The following BCR variants were observed in gnomAD, a reference collection of about 807,000 sequenced individuals.
BCR encodes the protein breakpoint cluster region protein.
Under a neutral mutation model 138.6 loss-of-function variants are expected in BCR, and 58 were observed. The observed-to-expected ratio is 0.42, with a 90% CI of 0.34 to 0.52. The LOEUF (loss-of-function observed/expected upper bound fraction) is 0.52. BCR is among the 20% of genes least tolerant of loss of function. BCR has a pLI of 0.06. For missense variants in BCR, 1,599 were observed against 1,727.2 expected (o/e 0.93, Z 1.32); for synonymous variants, 786 against 730.1 (o/e 1.08, Z -1.23).
At position 23,208,988 on chromosome 22, in the gene BCR, C is replaced by G. The variant is rs182500465; in HGVS notation, c.1279+26749C>G. On this transcript the variant is annotated intron_variant, in intron 1 of 22. Coordinates refer to ENST00000305877, the MANE Select transcript of BCR (RefSeq NM_004327.4). ...CTTCATATGAGTGGATTCATATAGC[C>G]TTCGTCTTTTGTTCCTGGCTTATTT... Among the ~76,000 whole-genome samples, 12 of 152,306 alleles carry G rather than the reference C, an allele frequency of 7.9e-5. No homozygotes were observed. The East Asian group carries it at 2.3e-3, about 29-fold the overall frequency.
intron 1 of BCR, among the ~76,000 whole-genome samples, chr22:23,229,892 C>T (rs144977866): frequency 1.3e-5 from 2 of 152,068 alleles, no homozygotes; most frequent in Middle Eastern, 3.2e-3. Flanking sequence ...AAAGAGTCCA[C>T]GGGTCTCCAC....
intron 1 of BCR, among the ~76,000 whole-genome samples, chr22:23,195,379 C>T (rs2072465430): frequency 7.0e-6 from 1 of 143,118 alleles, no homozygotes; most frequent in Non-Finnish European, 1.5e-5. Context: ...AAGATCGCGC[C>T]ATTGCACTTG....
Position 23,261,404 on chromosome 22 carries a change from C to T in BCR, c.1616C>T (p.Thr539Met), listed in dbSNP as rs763872810. 12 of 1,613,670 alleles carry T rather than the reference C, an allele frequency of 7.4e-6. No individual in the cohort carries two copies. The highest frequency in any genetic ancestry group is 1.3e-5 in the African/African-American group (1 of 74,886). The part of the protein sequence containing the change: ...AAATTSQPVL[T>M]SQQIETIFFK... Reference sequence around the variant, plus strand: ...GCCACCACCTCTCAGCCGGTGCTGACGAGTCAGCAGATCGAGACCATCTTC... The same window carrying T: ...GCCACCACCTCTCAGCCGGTGCTGATGAGTCAGCAGATCGAGACCATCTTC... The change falls in exon 4 of 23, where the codon ACG becomes ATG. Residue 539 changes from threonine (T) to methionine (M), a missense_variant. This residue lies in a region of BCR where 590 missense variants were observed against 762.4 expected (regional missense o/e 0.77). Coordinates refer to ENST00000305877, the MANE Select transcript of BCR (RefSeq NM_004327.4).
intron 10 of BCR, among the ~76,000 whole-genome samples, chr22:23,285,786 C>T (rs1188563568): frequency 6.6e-6 from 1 of 152,148 alleles, no homozygotes; most frequent in Non-Finnish European, 1.5e-5. Flanking sequence ...GTCTTCTGTC[C>T]CTGGGTCATG....
intron 3 of BCR, 99 bp downstream of exon 3, chr22:23,261,153 T>A: frequency 4.5e-6 from 6 of 1,326,084 alleles, no homozygotes; most frequent in Non-Finnish European, 6.4e-6. Context: ...TGTCAGAGCC[T>A]GGGTGCAGCT....
intron 1 of BCR, among the ~76,000 whole-genome samples, chr22:23,234,316 A>T (rs1012333786): frequency 6.6e-6 from 1 of 152,186 alleles, no homozygotes; most frequent in Non-Finnish European, 1.5e-5. Flanking sequence ...TATTTACTTC[A>T]TCTGTTTATT....
chr22:23,258,168 A>G (rs986506439), intron 2 of BCR, among the ~76,000 whole-genome samples: 8 of 152,228 alleles, frequency 5.3e-5, no homozygotes, highest in Non-Finnish European at 7.3e-5. Flanking sequence ...ATATACACAC[A>G]TATACACAGG....
At chr22:23,225,988 A>G (rs1046403394) in intron 1 of BCR, among the ~76,000 whole-genome samples, 6 of 152,230 alleles carry the variant, frequency 3.9e-5, no homozygotes, top group African/African-American at 1.4e-4. Context: ...CTACACAAAC[A>G]AACTCCTGGG....
At chr22:23,257,440 GC>G (rs1047545823) in intron 2 of BCR, among the ~76,000 whole-genome samples, 14 of 152,210 alleles carry the variant, frequency 9.2e-5, no homozygotes, top group Non-Finnish European at 7.3e-5. Context: ...GCTGTCATGG[GC>G]CCTGCTGCCC....
intron 1 of BCR, among the ~76,000 whole-genome samples, chr22:23,243,280 T>A (rs1204677892): frequency 1.3e-5 from 2 of 151,950 alleles, no homozygotes. Flanking sequence ...ATTAGAGGGT[T>A]GGAACTTTAG....
intron 1 of BCR, among the ~76,000 whole-genome samples, chr22:23,202,721 T>TG (rs369930434): frequency 2.8e-5 from 4 of 142,754 alleles, no homozygotes; most frequent in African/African-American, 8.1e-5. Flanking sequence ...ATTCAATTGT[T>TG]TGTGTGTGTG....
chr22:23,254,882 G>T (rs952265608), intron 2 of BCR, among the ~76,000 whole-genome samples: 1 of 152,156 alleles, frequency 6.6e-6, no homozygotes, highest in African/African-American at 2.4e-5. Flanking sequence ...TTCCACCATA[G>T]CCTGGCATGG....
At chr22:23,244,345 A>G (rs1039297612) in intron 1 of BCR, among the ~76,000 whole-genome samples, 3 of 152,202 alleles carry the variant, frequency 2.0e-5, no homozygotes, top group African/African-American at 7.2e-5. Context: ...TCGCATTCGC[A>G]GATTCTAGGG....
At chr22:23,294,011 C>T (rs2073818581) in intron 15 of BCR, among the ~76,000 whole-genome samples, 1 of 152,200 alleles carries the variant, frequency 6.6e-6, no homozygotes. Context: ...AGCAGTTTTT[C>T]CTCCAAGTCC....
At chr22:23,246,501 A>G (rs2073158563) in intron 1 of BCR, among the ~76,000 whole-genome samples, 1 of 152,126 alleles carries the variant, frequency 6.6e-6, no homozygotes, top group Non-Finnish European at 1.5e-5. Flanking sequence ...TTTTGATTAT[A>G]CACCTAGGAG....
Position 23,261,515 on chromosome 22 carries a change from G to A in BCR, c.1727G>A (p.Arg576Gln), listed in dbSNP as rs761630997. Residue 576 changes from arginine (R) to glutamine (Q), a missense_variant, in exon 4 of 23, where the codon CGG (arginine) becomes CAG (glutamine). By Grantham distance (43) the Arg-to-Gln change is conservative. Coordinates refer to ENST00000305877, the MANE Select transcript of BCR (RefSeq NM_004327.4). ...GTGCAGCAGTGGAGCCACCAGCAGC[G>A]GGTGGGCGACCTCTTCCAGAAGCTG... ...PRVQQWSHQQ[R>Q]VGDLFQKLAS... is the part of the protein sequence containing the mutation. 38 of 1,612,664 alleles carry A rather than the reference G, an allele frequency of 2.4e-5. No homozygotes were observed. The Admixed American group carries it at 2.5e-4, about 11-fold the overall frequency.
intron 8 of BCR, among the ~76,000 whole-genome samples, chr22:23,277,277 C>T (rs891734265): frequency 6.6e-6 from 1 of 152,206 alleles, no homozygotes; most frequent in African/African-American, 2.4e-5. Flanking sequence ...GAAACTGCGA[C>T]TCAGAGAGGT....
chr22:23,253,723 G>T (rs1473787112), intron 1 of BCR, 76 bp from the exon 2 acceptor site: 2 of 1,517,616 alleles, frequency 1.3e-6, no homozygotes, highest in Non-Finnish European at 1.8e-6. Flanking sequence ...GTGTCAGCTG[G>T]GTGCTTGCTG....
chr22:23,250,085 G>A (rs1568954466), intron 1 of BCR, among the ~76,000 whole-genome samples: 1 of 152,224 alleles, frequency 6.6e-6, no homozygotes, highest in Non-Finnish European at 1.5e-5. Flanking sequence ...TCTTGCACCA[G>A]GTTTTAGCGT....
Sources: allele counts gnomAD v4.1 joint callset (sites outside exome capture counted in the v4.1 genomes callset), GRCh38; gene constraint gnomAD v4.1.1; regional missense constraint gnomAD v4.1.1; transcripts MANE v1.5; gene names NCBI Gene and HGNC (gene_info 2026-07-23, HGNC 2026-07-21).